Variants in ADGRG7 observed in about 807,000 individuals in gnomAD.
The protein encoded by ADGRG7 is adhesion G protein-coupled receptor G7.
A neutral mutation model predicts 88.6 loss-of-function variants in ADGRG7; 82 were observed. The observed-to-expected ratio is 0.93, with a 90% CI of 0.77 to 1.11. ADGRG7 has a LOEUF of 1.11. ADGRG7 is among the 50% of genes most tolerant of loss of function. The pLI, the probability that ADGRG7 is intolerant of heterozygous loss-of-function variation, is 0.00. For synonymous variants in ADGRG7, 381 were observed against 345.2 expected (o/e 1.10, Z -1.15); for missense variants, 945 against 953.4 (o/e 0.99, Z 0.12).
rs2149026146 is a variant in ADGRG7, at chr3:100,646,115, T to A, written c.1110+7T>A. The A allele has an allele frequency of 1.9e-6, 3 of 1,610,590 alleles. No individual in the cohort carries two copies. In the South Asian group the frequency reaches 3.3e-5, roughly 18 times the overall value. ...CATGGTCTTTAGTCCAAAGGTGAGT[T>A]TTTCATTGCAGATGCAAGAAAAAAG... On this transcript the variant is annotated splice_region_variant and intron_variant, in intron 9 of 15. Coordinates refer to ENST00000273352, the MANE Select transcript of ADGRG7 (RefSeq NM_032787.3).
At chr3:100,676,182 C>T (rs1035556496) in intron 15 of ADGRG7, among the ~76,000 whole-genome samples, 2 of 151,880 alleles carry the variant, frequency 1.3e-5, no homozygotes, top group African/African-American at 4.8e-5. Flanking sequence ...CCTTAAGATG[C>T]ATCATTAGGT....
At chr3:100,628,330 A>G (rs1707411192) in intron 1 of ADGRG7, among the ~76,000 whole-genome samples, 2 of 151,290 alleles carry the variant, frequency 1.3e-5, no homozygotes, top group East Asian at 1.9e-4. Flanking sequence ...GGTACAATCT[A>G]TTCCATCATT....
chr3:100,634,322 C>A (rs1279698549), intron 4 of ADGRG7, among the ~76,000 whole-genome samples: 1 of 152,084 alleles, frequency 6.6e-6, no homozygotes, highest in Non-Finnish European at 1.5e-5. Flanking sequence ...GAATGTTATT[C>A]CCATATTATA....
At chr3:100,637,066 A>G (rs1477751591) in intron 5 of ADGRG7, among the ~76,000 whole-genome samples, 1 of 152,216 alleles carries the variant, frequency 6.6e-6, no homozygotes, top group Non-Finnish European at 1.5e-5. Flanking sequence ...GGTCGAATTC[A>G]GGGACTTAAA....
intron 8 of ADGRG7, among the ~76,000 whole-genome samples, chr3:100,645,194 T>C (rs1707721789): frequency 1.3e-5 from 2 of 152,256 alleles, no homozygotes; most frequent in African/African-American, 4.8e-5. Flanking sequence ...TTGTATAAGG[T>C]GTTAGGAGGC....
At chr3:100,645,912 C>T (rs1471387962) in intron 8 of ADGRG7, 33 bp from the exon 9 acceptor site, 8 of 1,592,538 alleles carry the variant, frequency 5.0e-6, no homozygotes, top group Non-Finnish European at 6.9e-6. Flanking sequence ...TTACAGTGCA[C>T]TTATTGATTT....
At chr3:100,651,607 G>T (rs1346056155) in intron 11 of ADGRG7, among the ~76,000 whole-genome samples, 2 of 152,116 alleles carry the variant, frequency 1.3e-5, no homozygotes, top group African/African-American at 4.8e-5. Flanking sequence ...ACTTTGGGAG[G>T]CCAAGGCAGG....
chr3:100,634,465 C>T (rs1707504103), intron 4 of ADGRG7, among the ~76,000 whole-genome samples: 2 of 152,136 alleles, frequency 1.3e-5, no homozygotes, highest in African/African-American at 2.4e-5. Flanking sequence ...TTAATGTACA[C>T]ATTTTATAGA....
chr3:100,655,854 A>G, intron 12 of ADGRG7, 45 bp from the exon 13 acceptor site: 5 of 1,102,170 alleles, frequency 4.5e-6, no homozygotes, highest in East Asian at 2.4e-5. Flanking sequence ...TAATTAATCC[A>G]AGTCTGGATA....
chr3:100,664,577 A>T (rs1414965498), intron 14 of ADGRG7, among the ~76,000 whole-genome samples: 2 of 152,236 alleles, frequency 1.3e-5, no homozygotes, highest in African/African-American at 4.8e-5. Flanking sequence ...ACACTACAGT[A>T]AATTATTCAT....
chr3:100,673,467 CT>C (rs34998185), intron 15 of ADGRG7, among the ~76,000 whole-genome samples: 74,666 of 136,248 alleles, frequency 0.55, 19,817 homozygotes, highest in Middle Eastern at 0.65. Context: ...TTTTCTTCTT[CT>C]TTTTTTTTTT....
Position 100,655,937 on chromosome 3 carries a change from A to G in ADGRG7, c.1765A>G (p.Ile589Val). The change falls in exon 13 of 16, where the codon ATT (isoleucine) becomes GTT (valine). Residue 589 changes from isoleucine to valine, a missense_variant. By Grantham distance (29) the Ile-to-Val change is conservative. Coordinates refer to ENST00000273352, the MANE Select transcript of ADGRG7 (RefSeq NM_032787.3). ...AIVVAITVGV[I>V]YSQNGNNPQW... ...AGTAGTGGCTATAACAGTGGGAGTTATTTATTCTCAGAATGGAAATAATCC... is the reference window on the plus strand; with the variant it reads ...AGTAGTGGCTATAACAGTGGGAGTTGTTTATTCTCAGAATGGAAATAATCC... 1.2e-6 allele frequency: 2 copies of G among 1,608,766 alleles called. No individual in the cohort carries two copies. Among genetic ancestry groups the G allele is most frequent in the Non-Finnish European group, 1.7e-6 (2 of 1,175,326 alleles).
In ADGRG7 at chr3:100,655,949, A is replaced by G. The variant is rs2094936957; in HGVS notation, c.1777A>G (p.Asn593Asp). 1 of 1,610,352 alleles carries G rather than the reference A, an allele frequency of 6.2e-7. No individual in the cohort carries two copies. The highest frequency in any genetic ancestry group is 1.7e-5 in the Admixed American group (1 of 60,012). ...AITVGVIYSQNGNNPQWELDY... is the reference protein window; with the variant it reads ...AITVGVIYSQDGNNPQWELDY... ...AACAGTGGGAGTTATTTATTCTCAGAATGGAAATAATCCACAGTGGGAATT... is the reference window on the plus strand; with the variant it reads ...AACAGTGGGAGTTATTTATTCTCAGGATGGAAATAATCCACAGTGGGAATT... Residue 593 changes from asparagine (N) to aspartate (D), a missense_variant, in exon 13 of 16, where the codon AAT (asparagine) becomes GAT (aspartate). Transcript: ENST00000273352.
intron 1 of ADGRG7, among the ~76,000 whole-genome samples, chr3:100,629,291 A>G (rs138623187): frequency 5.3e-5 from 8 of 151,688 alleles, no homozygotes; most frequent in African/African-American, 7.3e-5. Context: ...CTATCTATCT[A>G]TCTATCTATC....
At chr3:100,694,328 C>T (rs1015593783) in intron 15 of ADGRG7, among the ~76,000 whole-genome samples, 1 of 151,994 alleles carries the variant, frequency 6.6e-6, no homozygotes, top group Admixed American at 6.6e-5. Context: ...TTTTTTTGTC[C>T]TTAAGTGCAC....
rs759151347 is a variant in ADGRG7, at chr3:100,655,200, C to T, written c.1726+19C>T. 90 of 1,506,362 alleles carry T rather than the reference C, an allele frequency of 6.0e-5. 2 individuals are homozygous for T. The Admixed American group carries it at 1.7e-3, about 28-fold the overall frequency. 93.3% of individuals were successfully genotyped at this position (1,506,362 alleles called of 1,614,324 possible). On this transcript the variant is annotated intron_variant, in intron 12 of 15. Transcript: ENST00000273352. ...GGATGGGGTAAGTGTTTGCATCTCC[C>T]CTTTCTCAGGAATTTAATTTTGTGG...
chr3:100,637,219 C>A, intron 5 of ADGRG7, 83 bp from the exon 6 acceptor site: 1 of 939,088 alleles, frequency 1.1e-6, no homozygotes, highest in Non-Finnish European at 1.7e-6. Context: ...CCACTTGCTA[C>A]TACAATGATT....
intron 1 of ADGRG7, among the ~76,000 whole-genome samples, chr3:100,611,033 A>G (rs1416554260): frequency 6.6e-6 from 1 of 152,208 alleles, no homozygotes; most frequent in Non-Finnish European, 1.5e-5. Context: ...TACTGTATCG[A>G]TAGTATTTAG....
intron 15 of ADGRG7, among the ~76,000 whole-genome samples, chr3:100,687,326 G>C (rs1235834387): frequency 1.3e-5 from 2 of 152,080 alleles, no homozygotes; most frequent in Admixed American, 6.6e-5. Flanking sequence ...CTGCAAACAG[G>C]GACAATTTGA....
Sources: allele counts gnomAD v4.1 joint callset (sites outside exome capture counted in the v4.1 genomes callset), GRCh38; gene constraint gnomAD v4.1.1; transcripts MANE v1.5; gene names NCBI Gene and HGNC (gene_info 2026-07-23, HGNC 2026-07-21).